The following SNAP47 variants were observed in gnomAD, a reference collection of about 807,000 sequenced individuals.
The protein encoded by SNAP47 is synaptosome associated protein 47.
In SNAP47, 20 loss-of-function variants were observed where a neutral mutation model predicts 31.4. The observed-to-expected ratio is 0.64, with a 90% CI of 0.45 to 0.93. The LOEUF is 0.93. Ranked by LOEUF, SNAP47 falls within the 40% of genes least tolerant of loss-of-function variation. The pLI, the probability that SNAP47 is intolerant of heterozygous loss-of-function variation, is 0.00. For synonymous variants in SNAP47, 194 were observed against 213.4 expected (o/e 0.91, Z 0.79); for missense variants, 492 against 528.5 (o/e 0.93, Z 0.68).
chr1:227,735,276 A>C (rs1429801261), upstream of SNAP47: 1 of 1,606,462 alleles, frequency 6.2e-7, no homozygotes, highest in Non-Finnish European at 8.5e-7. Context: ...CGGTCCATCC[A>C]GCTCAGCACG....
intron 2 of SNAP47, among the ~76,000 whole-genome samples, chr1:227,753,118 A>G (rs1188332637): frequency 2.0e-5 from 3 of 152,258 alleles, no homozygotes; most frequent in African/African-American, 7.2e-5. Flanking sequence ...ACTTGGAGTC[A>G]GTACTGTTCC....
At chr1:227,777,830 AG>A (rs1037710697) in intron 4 of SNAP47, among the ~76,000 whole-genome samples, 54 of 152,272 alleles carry the variant, frequency 3.5e-4, no homozygotes, top group African/African-American at 1.3e-3. Context: ...ACCATCTGTA[AG>A]GGGTATAGGA....
At chr1:227,769,820 C>T (rs1449824291) in intron 4 of SNAP47, among the ~76,000 whole-genome samples, 6 of 152,188 alleles carry the variant, frequency 3.9e-5, no homozygotes, top group Non-Finnish European at 8.8e-5. Flanking sequence ...ACGCCATGGA[C>T]GCGGTGCCTG....
intron 2 of SNAP47, among the ~76,000 whole-genome samples, chr1:227,756,917 C>A (rs947958883): frequency 6.6e-6 from 1 of 152,264 alleles, no homozygotes; most frequent in Non-Finnish European, 1.5e-5. Flanking sequence ...GGGAGCAGGC[C>A]TCCTGCCAGG....
rs1352456461 is a variant in SNAP47, at chr1:227,741,409, G to A, written c.-46+5910G>A. 1.3e-5 allele frequency among the ~76,000 whole-genome samples: 2 copies of A among 152,272 alleles called. No homozygotes were observed. The highest frequency in any genetic ancestry group is 1.9e-4 in the East Asian group (1 of 5,182). ...GGGAGCCAGGGTGCAGTGACTCTCA[G>A]CAAGGCCCCTTGGCTCATGGGCCAG... is the stretch of plus-strand genomic sequence containing the variant. On this transcript the variant is annotated intron_variant, in intron 1 of 4. Coordinates refer to ENST00000617596, the MANE Select transcript of SNAP47 (RefSeq NM_053052.4). The surrounding 1 kb of genome is among the most constrained non-coding windows in gnomAD (Gnocchi z 4.2).
intron 1 of SNAP47, among the ~76,000 whole-genome samples, chr1:227,737,590 A>G (rs1035989470): frequency 6.6e-6 from 1 of 152,152 alleles, no homozygotes; most frequent in Non-Finnish European, 1.5e-5. Flanking sequence ...TACTCTTATA[A>G]GTGGGGATAT....
At chr1:227,742,137 G>A (rs967790580) in intron 1 of SNAP47, among the ~76,000 whole-genome samples, 6 of 151,586 alleles carry the variant, frequency 4.0e-5, no homozygotes, top group African/African-American at 7.3e-5. Context: ...CCACTAACTC[G>A]TCATTTAGCA....
upstream of SNAP47, chr1:227,732,672 A>G (rs148718241): frequency 2.5e-6 from 4 of 1,612,598 alleles, no homozygotes; most frequent in East Asian, 4.5e-5. Context: ...GGACCTCATG[A>G]TGACCTGGGC....
intron 1 of SNAP47, chr1:227,728,835 C>T (rs1340021225): frequency 1.3e-5 from 2 of 152,354 alleles, no homozygotes; most frequent in African/African-American, 4.8e-5. Context: ...GGGGAACGGT[C>T]TCGGGAGCAG....
rs566502564 is a variant in SNAP47, at chr1:227,741,643, C to T, written c.-45-6049C>T. On this transcript the variant is annotated intron_variant, in intron 1 of 4. Transcript: ENST00000617596. This position sits in a 1 kb window ranked among gnomAD's most constrained non-coding sequence, Gnocchi z 4.2. ...GAGAGAGAGGGTGGGATCAGGGCCCCGGGAGGAGGGTCTGGCCTTGGAGGT... is the reference window on the plus strand; with the variant it reads ...GAGAGAGAGGGTGGGATCAGGGCCCTGGGAGGAGGGTCTGGCCTTGGAGGT... 3.0e-4 allele frequency among the ~76,000 whole-genome samples: 45 copies of T among 152,152 alleles called. No homozygotes were observed. The highest frequency in any genetic ancestry group is 1.1e-3 in the African/African-American group (44 of 41,506).
At chr1:227,735,157 G>A (rs1337369813), upstream of SNAP47, 4 of 1,580,988 alleles carry the variant, frequency 2.5e-6, no homozygotes, top group Non-Finnish European at 3.4e-6. Context: ...CGGCGTAGGA[G>A]AAGGCGCCCG....
intron 3 of SNAP47, 139 bp from the exon 4 acceptor site, chr1:227,766,820 A>G: frequency 8.0e-7 from 1 of 1,249,636 alleles, no homozygotes; most frequent in Non-Finnish European, 1.1e-6. Context: ...CAAGGCTCAC[A>G]GAGGTCGAGA....
chr1:227,736,502 G>GTTTTTTTTTTTTTTTTTTTT (rs71180760), intron 1 of SNAP47: 1 of 44,414 alleles, frequency 2.3e-5, no homozygotes, highest in African/African-American at 8.8e-5. Context: ...GCCCAGAGCA[G>GTTTTTTTTTTTTTTTTTTTT]TTTTTTTTTT....
rs1370243398 is a variant in SNAP47, at chr1:227,747,840, G to A, written c.104G>A (p.Arg35Lys). 9 of 1,614,182 alleles carry A rather than the reference G, an allele frequency of 5.6e-6. No individual in the cohort carries two copies. The highest frequency in any genetic ancestry group is 7.6e-6 in the Non-Finnish European group (9 of 1,180,038). ...GQLSLTSLSL[R>K]FMTDSTGEIL... ...CTGTCCTTAACATCGCTGTCGCTCA[G>A]GTTCATGACTGACAGCACTGGAGAG... The change falls in exon 2 of 5, where the codon AGG becomes AAG. Residue 35 changes from arginine (R) to lysine (K), a missense_variant. By Grantham distance (26) the Arg-to-Lys change is conservative (BLOSUM62 2). Transcript: ENST00000617596.
intron 2 of SNAP47, among the ~76,000 whole-genome samples, chr1:227,751,149 G>A (rs1375101642): frequency 6.6e-6 from 1 of 152,212 alleles, no homozygotes; most frequent in Admixed American, 6.5e-5. Context: ...CCTGAACACT[G>A]TGGCTTTGAT....
At chr1:227,776,404 G>C in intron 4 of SNAP47, 1 of 986,676 alleles carries the variant, frequency 1.0e-6, no homozygotes, top group Non-Finnish European at 1.2e-6. Flanking sequence ...TGGAAGGAAG[G>C]CTGGTTCCTG....
chr1:227,740,570 T>A (rs1661523762), intron 1 of SNAP47, among the ~76,000 whole-genome samples: 1 of 152,130 alleles, frequency 6.6e-6, no homozygotes, highest in African/African-American at 2.4e-5. Flanking sequence ...ATGGAAAGAC[T>A]GAGAGAGACC....
upstream of SNAP47, chr1:227,732,802 C>A: frequency 6.3e-7 from 1 of 1,594,792 alleles, no homozygotes; most frequent in Admixed American, 1.7e-5. Context: ...TGAGAAGCTG[C>A]GCGGTGACCA....
In SNAP47 at chr1:227,777,575, T is replaced by G. The variant is rs6670578; in HGVS notation, c.1114-2952T>G. Among the ~76,000 whole-genome samples the G allele has an allele frequency of 7.1e-3, 1,087 of 152,292 alleles. 8 individuals carry two copies. Among genetic ancestry groups the G allele is most frequent in the African/African-American group, 0.024 (1,008 of 41,536 alleles). ...GCTAGGACTGTATATAAAAGAAGAA[T>G]ATGATGTATGTTTAATAATTATTGG... On this transcript the variant is annotated intron_variant, in intron 4 of 4. Transcript: ENST00000617596.
Sources: allele counts gnomAD v4.1 joint callset (sites outside exome capture counted in the v4.1 genomes callset), GRCh38; gene constraint gnomAD v4.1.1; non-coding constraint Gnocchi (gnomAD v3.1); transcripts MANE v1.5; gene names NCBI Gene and HGNC (gene_info 2026-07-23, HGNC 2026-07-21).